Variants in ZFAT observed in about 807,000 individuals in gnomAD.
The protein encoded by ZFAT is zinc finger protein ZFAT.
ZFAT carries 64 observed loss-of-function variants against 117.7 expected under a neutral mutation model. The observed-to-expected ratio is 0.54, with a 90% CI of 0.44 to 0.67. ZFAT has a LOEUF of 0.67. Among genes scored for constraint, ZFAT ranks in the 30% least tolerant of loss-of-function variants. The pLI, the probability that ZFAT is intolerant of heterozygous loss-of-function variation, is 0.00. For synonymous variants in ZFAT, 679 were observed against 615.0 expected, an observed-to-expected ratio of 1.10 and a Z score of -1.54; for missense variants, 1,433 against 1,584.5, an observed-to-expected ratio of 0.90 and a Z score of 1.62.
At chr8:134,512,359 G>A (rs1212893968) in intron 14 of ZFAT, 116 bp downstream of exon 14, 3 of 1,453,142 alleles carry the variant, frequency 2.1e-6, no homozygotes, top group East Asian at 2.3e-5. Flanking sequence ...CTGAACGCTG[G>A]GTCAGGGATT....
the ZFAT span, among the ~76,000 whole-genome samples, chr8:134,752,863 G>C: frequency 1.3e-5 from 2 of 152,130 alleles, no homozygotes; most frequent in South Asian, 2.1e-4. Context: ...CTAAGCCCAA[G>C]TACCTCCACA....
intron 1 of ZFAT, among the ~76,000 whole-genome samples, chr8:134,677,053 A>G (rs1467506007): frequency 6.6e-6 from 1 of 152,198 alleles, no homozygotes; most frequent in Non-Finnish European, 1.5e-5. Context: ...AAGAGCAAAC[A>G]AATTCGAAAG....
the ZFAT span, among the ~76,000 whole-genome samples, chr8:134,770,903 G>T: frequency 0.012 from 1,798 of 152,246 alleles, 42 homozygotes; most frequent in African/African-American, 0.041. Context: ...TTAGGAAGAG[G>T]AAATTCCCAC....
At chr8:134,800,523 A>G in the ZFAT span, 1 of 511,502 alleles carries the variant, frequency 2.0e-6, no homozygotes, top group Non-Finnish European at 4.1e-6. Context: ...TTGACATTCC[A>G]AGTCAGCTGA....
the ZFAT span, chr8:134,800,470 T>C: frequency 4.2e-6 from 2 of 472,306 alleles, no homozygotes; most frequent in Non-Finnish European, 8.8e-6. Flanking sequence ...AATTCAAGCC[T>C]CTGTATACTA....
intron 2 of ZFAT, among the ~76,000 whole-genome samples, chr8:134,651,083 T>C (rs780883400): frequency 6.6e-6 from 1 of 152,252 alleles, no homozygotes; most frequent in Non-Finnish European, 1.5e-5. Flanking sequence ...TTGACTGAAA[T>C]GTTTTTAAAT....
intron 12 of ZFAT, among the ~76,000 whole-genome samples, chr8:134,524,408 G>A (rs907425208): frequency 6.6e-6 from 1 of 152,154 alleles, no homozygotes; most frequent in African/African-American, 2.4e-5. Context: ...CCATGGGAGA[G>A]TAACTGCCCT....
chr8:134,831,408 C>T, the ZFAT span, among the ~76,000 whole-genome samples: 3 of 152,196 alleles, frequency 2.0e-5, no homozygotes, highest in Admixed American at 2.0e-4. Flanking sequence ...AAACATTAAA[C>T]ACTGGCATAG....
At chr8:134,777,995 A>G in the ZFAT span, among the ~76,000 whole-genome samples, 1 of 152,182 alleles carries the variant, frequency 6.6e-6, no homozygotes, top group Non-Finnish European at 1.5e-5. Flanking sequence ...AAAGAAAAAA[A>G]TGTAGACAAA....
intron 5 of ZFAT, among the ~76,000 whole-genome samples, chr8:134,605,855 T>C (rs1031360770): frequency 3.3e-5 from 5 of 152,288 alleles, no homozygotes; most frequent in East Asian, 1.9e-4. Flanking sequence ...GGAGCTCACC[T>C]TCCAGAAAGT....
intron 1 of ZFAT, among the ~76,000 whole-genome samples, chr8:134,675,193 G>C (rs911034810): frequency 1.3e-5 from 2 of 152,174 alleles, no homozygotes; most frequent in African/African-American, 4.8e-5. Context: ...ATGCAAGGAA[G>C]CTAAAAACCT....
intron 13 of ZFAT, among the ~76,000 whole-genome samples, chr8:134,516,543 G>C (rs1295424962): frequency 6.6e-6 from 1 of 152,116 alleles, no homozygotes; most frequent in African/African-American, 2.4e-5. Flanking sequence ...TGTTTTTAAA[G>C]GTAGAATAGG....
rs188287645 is a variant in ZFAT at position 134,633,304 on chromosome 8, A to G, written c.448+4157T>C. On this transcript the variant is annotated intron_variant, in intron 3 of 15. Coordinates refer to ENST00000377838, the MANE Select transcript of ZFAT (RefSeq NM_020863.4). ...TATTAGCTGTAAAACACTGAGAAAC[A>G]GCAACTGCAAAATAAAAAGCACTAA... Among the ~76,000 whole-genome samples, 4 of 152,372 alleles carry G rather than the reference A, an allele frequency of 2.6e-5. No individual in the cohort carries two copies. The East Asian group carries it at 7.7e-4, about 29-fold the overall frequency.
intron 3 of ZFAT, among the ~76,000 whole-genome samples, chr8:134,627,294 G>A (rs771510759): frequency 6.6e-6 from 1 of 152,206 alleles, no homozygotes; most frequent in Non-Finnish European, 1.5e-5. Flanking sequence ...TGGACCTGGG[G>A]CAATGAGAGG....
chr8:134,733,222 G>A, the ZFAT span, among the ~76,000 whole-genome samples: 67 of 152,276 alleles, frequency 4.4e-4, 1 homozygote, highest in Middle Eastern at 3.4e-3. Context: ...GGAACATAGG[G>A]CCAATATTCC....
intron 11 of ZFAT, among the ~76,000 whole-genome samples, chr8:134,555,860 T>C (rs1263456058): frequency 6.7e-6 from 1 of 148,842 alleles, no homozygotes; most frequent in African/African-American, 2.5e-5. Flanking sequence ...TAAAATGTAA[T>C]AGAGAAACAA....
chr8:134,509,843 C>T, intron 14 of ZFAT, 94 bp from the exon 15 acceptor site: 9 of 1,482,744 alleles, frequency 6.1e-6, no homozygotes, highest in Non-Finnish European at 8.1e-6. Flanking sequence ...TCGGGTGACG[C>T]CTTCTCCAGA....
At chr8:134,798,890 A>T in the ZFAT span, among the ~76,000 whole-genome samples, 6 of 152,162 alleles carry the variant, frequency 3.9e-5, no homozygotes, top group Non-Finnish European at 8.8e-5. Flanking sequence ...ATTGATGGGC[A>T]ATTCCCAAAT....
chr8:134,634,833 G>T (rs1016479235), intron 3 of ZFAT, among the ~76,000 whole-genome samples: 7 of 152,198 alleles, frequency 4.6e-5, no homozygotes, highest in African/African-American at 1.7e-4. Flanking sequence ...CTCTGTTTTA[G>T]AGCAGCAGTC....
Sources: gnomAD v4.1 joint callset for allele counts (sites outside exome capture counted in the v4.1 genomes callset) on GRCh38, gnomAD v4.1.1 for gene constraint, MANE v1.5 for transcripts, NCBI Gene and HGNC (gene_info 2026-07-23, HGNC 2026-07-21) for gene names.